LRBA: variants seen among roughly 807,000 people sequenced by gnomAD.
The protein encoded by LRBA is lipopolysaccharide-responsive and beige-like anchor protein.
A neutral mutation model predicts 330.0 loss-of-function variants in LRBA; 176 were observed. The observed-to-expected ratio is 0.53, with a 90% CI of 0.47 to 0.60. The LOEUF (loss-of-function observed/expected upper bound fraction) is 0.60, where lower values mean the gene tolerates loss of function less well. Among genes scored for constraint, LRBA ranks in the 20% least tolerant of loss-of-function variants. The pLI, the probability that LRBA is intolerant of heterozygous loss-of-function variation, is 0.00. For synonymous variants in LRBA, 1,230 were observed against 1,193.0 expected, an observed-to-expected ratio of 1.03 and a Z score of -0.64; for missense variants, 3,259 against 3,444.8, an observed-to-expected ratio of 0.95 and a Z score of 1.35.
chr4:150,810,813 G>T (rs1035771483), intron 31 of LRBA, among the ~76,000 whole-genome samples: 3 of 152,116 alleles, frequency 2.0e-5, no homozygotes, highest in Non-Finnish European at 2.9e-5. Flanking sequence ...TGTTGCCCAG[G>T]CGGGTCTCGA....
At chr4:150,923,864 C>A (rs1007608430) in intron 4 of LRBA, among the ~76,000 whole-genome samples, 15 of 152,166 alleles carry the variant, frequency 9.9e-5, no homozygotes, top group Admixed American at 3.3e-4. Context: ...ATTATAATTA[C>A]TACCTGTGTA....
chr4:150,754,521 C>CAAAAA (rs755838647), intron 35 of LRBA, among the ~76,000 whole-genome samples: 5 of 86,040 alleles, frequency 5.8e-5, no homozygotes, highest in South Asian at 4.4e-4. Context: ...CCTGTCTCAC[C>CAAAAA]AAAAAAAAAA....
At chr4:150,556,048 A>G (rs991152002) in intron 40 of LRBA, among the ~76,000 whole-genome samples, 1 of 152,022 alleles carries the variant, frequency 6.6e-6, no homozygotes, top group Non-Finnish European at 1.5e-5. Flanking sequence ...AGAGATCCTC[A>G]TGCCTCAATC....
intron 48 of LRBA, among the ~76,000 whole-genome samples, chr4:150,349,098 A>G (rs960389679): frequency 7.2e-5 from 11 of 152,212 alleles, no homozygotes; most frequent in African/African-American, 2.7e-4. Context: ...GTGCATGCTA[A>G]CTTATCTAGC....
At chr4:150,688,688 A>T (rs1330137292) in intron 36 of LRBA, among the ~76,000 whole-genome samples, 1 of 152,208 alleles carries the variant, frequency 6.6e-6, no homozygotes, top group Non-Finnish European at 1.5e-5. Context: ...CGGCCAACAA[A>T]CATATGAAAA....
At chr4:151,006,272 G>A (rs564097055) in intron 2 of LRBA, among the ~76,000 whole-genome samples, 1 of 152,298 alleles carries the variant, frequency 6.6e-6, no homozygotes, top group Admixed American at 6.5e-5. Context: ...GCTGCCGTGA[G>A]CTGAGATCAC....
Position 150,363,843 on chromosome 4 carries a change from T to G in LRBA, c.7195-13684A>C, listed in dbSNP as rs575290966. Among the ~76,000 whole-genome samples, 3 of 152,344 alleles carry G rather than the reference T, an allele frequency of 2.0e-5. No individual in the cohort carries two copies. In the South Asian group the frequency reaches 6.2e-4, roughly 32 times the overall value. ...TTCTGATTTACCGCAATTCAATGTC[T>G]ATGCTGAGGGACTAGATCTTAAAGC... On this transcript the variant is annotated intron_variant, in intron 47 of 56. Coordinates refer to ENST00000651943, the MANE Select transcript of LRBA (RefSeq NM_001364905.1).
intron 2 of LRBA, among the ~76,000 whole-genome samples, chr4:150,931,806 GA>G (rs1308888947): frequency 7.9e-5 from 12 of 151,286 alleles, no homozygotes; most frequent in African/African-American, 2.2e-4. Context: ...ATATCTGGGG[GA>G]AAAAAAATCA....
At chr4:150,963,506 G>C (rs1022144558) in intron 2 of LRBA, among the ~76,000 whole-genome samples, 7 of 149,568 alleles carry the variant, frequency 4.7e-5, no homozygotes, top group Non-Finnish European at 8.8e-5. Flanking sequence ...GCCCAGGCTG[G>C]AGTGCAGTGG....
intron 47 of LRBA, among the ~76,000 whole-genome samples, chr4:150,354,324 G>A (rs1191360480): frequency 6.6e-6 from 1 of 151,984 alleles, no homozygotes; most frequent in Non-Finnish European, 1.5e-5. Context: ...GTGGAATGCT[G>A]AGCATTTGAG....
chr4:150,501,937 T>A (rs1238569959), intron 40 of LRBA, among the ~76,000 whole-genome samples: 1 of 152,196 alleles, frequency 6.6e-6, no homozygotes, highest in African/African-American at 2.4e-5. Context: ...TGGAAAGACT[T>A]TGCAGGGCCC....
intron 37 of LRBA, among the ~76,000 whole-genome samples, chr4:150,650,934 CT>C (rs1445215119): frequency 6.6e-6 from 1 of 152,092 alleles, no homozygotes; most frequent in Non-Finnish European, 1.5e-5. Flanking sequence ...ATGGGATTAA[CT>C]AATCCTCATG....
intron 40 of LRBA, among the ~76,000 whole-genome samples, chr4:150,530,345 T>C (rs1426751373): frequency 6.6e-6 from 1 of 152,170 alleles, no homozygotes; most frequent in Non-Finnish European, 1.5e-5. Context: ...ACTCAGATAC[T>C]CTGGATGCCT....
chr4:150,661,908 C>T (rs1475119316), intron 37 of LRBA, among the ~76,000 whole-genome samples: 2 of 152,130 alleles, frequency 1.3e-5, no homozygotes, highest in Admixed American at 6.5e-5. Flanking sequence ...GCATGAGGCA[C>T]CACGCCCAGC....
At chr4:150,752,684 A>G (rs879379515) in intron 35 of LRBA, among the ~76,000 whole-genome samples, 2 of 152,028 alleles carry the variant, frequency 1.3e-5, no homozygotes, top group African/African-American at 2.4e-5. Flanking sequence ...AGAATATAAA[A>G]CCTTAGTAAT....
At position 150,872,698 on chromosome 4, in the gene LRBA, C is replaced by T; in HGVS notation, c.2223G>A (p.Lys741=). The stretch of plus-strand genomic sequence containing the variant: ...GATGTTTTAAAAAATAACCCATTGC[C>T]TTAAGAGCTTGTACCCTGATTCCTT... The part of the protein sequence containing the change: ...KSEGIRVQAL[K]AMGYFLKHLA... The change falls in exon 18 of 57, where the codon AAG becomes AAA. Residue 741 remains lysine, a synonymous_variant. Coordinates refer to ENST00000651943, the MANE Select transcript of LRBA (RefSeq NM_001364905.1). 1.9e-6 allele frequency: 3 copies of T among 1,610,374 alleles called. No homozygotes were observed. The highest frequency in any genetic ancestry group is 2.5e-6 in the Non-Finnish European group (3 of 1,177,992).
intron 48 of LRBA, among the ~76,000 whole-genome samples, chr4:150,330,958 C>T (rs1305945006): frequency 6.6e-6 from 1 of 152,006 alleles, no homozygotes; most frequent in African/African-American, 2.4e-5. Flanking sequence ...ACTGAGGTTG[C>T]AGGGGAGGAT....
intron 13 of LRBA, among the ~76,000 whole-genome samples, chr4:150,903,300 G>A (rs1317466953): frequency 6.6e-6 from 1 of 151,424 alleles, no homozygotes; most frequent in African/African-American, 2.4e-5. Flanking sequence ...CAGGAGGACT[G>A]ATTGAGCCCA....
At chr4:150,468,746 A>G (rs543190364) in intron 43 of LRBA, among the ~76,000 whole-genome samples, 1 of 152,100 alleles carries the variant, frequency 6.6e-6, no homozygotes, top group East Asian at 1.9e-4. Flanking sequence ...TTTCTCAAAT[A>G]TATACTGATG....
Sources: allele counts gnomAD v4.1 joint callset (sites outside exome capture counted in the v4.1 genomes callset), GRCh38; gene constraint gnomAD v4.1.1; transcripts MANE v1.5; gene names NCBI Gene and HGNC (gene_info 2026-07-23, HGNC 2026-07-21).